TMEM132D: variants seen among roughly 807,000 people sequenced by gnomAD.
TMEM132D encodes the protein transmembrane protein 132D, also known as mature OL transmembrane protein.
TMEM132D carries 21 observed loss-of-function variants against 62.3 expected under a neutral mutation model. The observed-to-expected ratio is 0.34, with a 90% CI of 0.24 to 0.49. TMEM132D has a LOEUF of 0.49. Ranked by LOEUF, TMEM132D falls within the 20% of genes least tolerant of loss-of-function variation. The probability of loss-of-function intolerance (pLI) is 0.99; values close to 1 mark genes in which losing one functional copy is unlikely to be tolerated. For missense variants in TMEM132D, 1,346 were observed against 1,402.8 expected, an observed-to-expected ratio of 0.96 and a Z score of 0.65; for synonymous variants, 621 against 575.6, an observed-to-expected ratio of 1.08 and a Z score of -1.13.
At chr12:129,751,431 G>A (rs1014240411) in intron 1 of TMEM132D, among the ~76,000 whole-genome samples, 1 of 152,114 alleles carries the variant, frequency 6.6e-6, no homozygotes, top group Non-Finnish European at 1.5e-5. Context: ...CCCTGACATG[G>A]GGGGATTACA....
At chr12:129,879,538 G>A (rs1157959767) in intron 1 of TMEM132D, among the ~76,000 whole-genome samples, 1 of 152,194 alleles carries the variant, frequency 6.6e-6, no homozygotes, top group African/African-American at 2.4e-5. Flanking sequence ...GTGAGTAATG[G>A]CTCAGTTGCA....
At chr12:129,579,117 A>G (rs1253298065) in intron 2 of TMEM132D, among the ~76,000 whole-genome samples, 2 of 152,228 alleles carry the variant, frequency 1.3e-5, no homozygotes, top group African/African-American at 2.4e-5. Context: ...CCTCTTTAAT[A>G]TTAAAAACAA....
intron 5 of TMEM132D, among the ~76,000 whole-genome samples, chr12:129,105,075 T>C (rs907394588): frequency 1.4e-4 from 16 of 113,300 alleles, no homozygotes; most frequent in Non-Finnish European, 1.6e-4. Flanking sequence ...ATCATGCTGC[T>C]ATAAAGACAC....
chr12:129,367,533 C>T (rs1261994279), intron 3 of TMEM132D, among the ~76,000 whole-genome samples: 2 of 152,136 alleles, frequency 1.3e-5, no homozygotes, highest in Non-Finnish European at 2.9e-5. Context: ...GAATACGACA[C>T]TGGTGTGTGT....
intron 3 of TMEM132D, among the ~76,000 whole-genome samples, chr12:129,361,685 C>T (rs1002150981): frequency 6.6e-6 from 1 of 152,138 alleles, no homozygotes; most frequent in African/African-American, 2.4e-5. Context: ...TCACACAACT[C>T]TATTGCAAAG....
chr12:129,350,297 T>C (rs1869823047), intron 3 of TMEM132D, among the ~76,000 whole-genome samples: 1 of 152,198 alleles, frequency 6.6e-6, no homozygotes, highest in Admixed American at 6.5e-5. Context: ...TCCTATTAAA[T>C]ACTTGGAAGG....
At chr12:129,290,420 C>A (rs1457611244) in intron 4 of TMEM132D, among the ~76,000 whole-genome samples, 1 of 152,108 alleles carries the variant, frequency 6.6e-6, no homozygotes, top group Non-Finnish European at 1.5e-5. Flanking sequence ...TTCTAATTAA[C>A]ACACCTGAGC....
At chr12:129,259,061 T>C (rs1880482635) in intron 4 of TMEM132D, among the ~76,000 whole-genome samples, 1 of 152,170 alleles carries the variant, frequency 6.6e-6, no homozygotes, top group South Asian at 2.1e-4. Context: ...GCATTAACCA[T>C]ACAGCAGGGT....
chr12:129,424,707 CAAA>C (rs11385383), intron 3 of TMEM132D, among the ~76,000 whole-genome samples: 78 of 31,810 alleles, frequency 2.5e-3, no homozygotes, highest in African/African-American at 8.3e-3. Flanking sequence ...GACTCCATCT[CAAA>C]AAAAAAAAAA....
At chr12:129,323,207 T>C (rs1318244725) in intron 4 of TMEM132D, among the ~76,000 whole-genome samples, 1 of 152,188 alleles carries the variant, frequency 6.6e-6, no homozygotes, top group East Asian at 1.9e-4. Context: ...CATTAAAATG[T>C]CCCTTCTTCC....
In TMEM132D at chr12:129,209,513, A is replaced by C. The variant is rs1878961131; in HGVS notation, c.1443+7T>G. 6.2e-7 allele frequency: 1 copy of C among 1,613,380 alleles called. No homozygotes were observed. Among genetic ancestry groups the C allele is most frequent in the Non-Finnish European group, 8.5e-7 (1 of 1,179,738 alleles). On this transcript the variant is annotated splice_region_variant and intron_variant, in intron 5 of 8. Transcript: ENST00000422113. Reference sequence around the variant, plus strand: ...GTTTCTGCAGGGGCGGGGAGGTGTCAACTTGCCTTAATCACGTCTTCATCA... The same window carrying C: ...GTTTCTGCAGGGGCGGGGAGGTGTCCACTTGCCTTAATCACGTCTTCATCA...
chr12:129,304,366 A>G (rs999761482), intron 4 of TMEM132D, among the ~76,000 whole-genome samples: 1 of 152,004 alleles, frequency 6.6e-6, no homozygotes, highest in African/African-American at 2.4e-5. Flanking sequence ...AGGCCAGGTC[A>G]TGGCTTGAAC....
chr12:129,697,222 A>G (rs1881230308), intron 2 of TMEM132D, among the ~76,000 whole-genome samples: 1 of 152,206 alleles, frequency 6.6e-6, no homozygotes, highest in East Asian at 1.9e-4. Flanking sequence ...AAAGCGCCCA[A>G]GGATACTTGG....
At chr12:129,810,467 C>T (rs1391287417) in intron 1 of TMEM132D, among the ~76,000 whole-genome samples, 2 of 151,002 alleles carry the variant, frequency 1.3e-5, no homozygotes, top group African/African-American at 2.4e-5. Flanking sequence ...TAACATTTAC[C>T]AAAAAAAGGT....
chr12:129,583,685 G>T (rs1275545607), intron 2 of TMEM132D, among the ~76,000 whole-genome samples: 1 of 152,152 alleles, frequency 6.6e-6, no homozygotes, highest in Non-Finnish European at 1.5e-5. Context: ...AAGACCCGTG[G>T]GGGGTGAGCT....
In TMEM132D at chr12:129,545,089, G is replaced by C. The variant is rs192048594; in HGVS notation, c.969-13884C>G. Among the ~76,000 whole-genome samples the C allele has an allele frequency of 1.4e-4, 21 of 152,266 alleles. No homozygotes were observed. The East Asian group carries it at 3.5e-3, about 25-fold the overall frequency. ...TTCTTCTTTCTGGTCACTGTGATTG[G>C]GTCCAAACATATTGATGAATCTTGG... On this transcript the variant is annotated intron_variant, in intron 2 of 8. Transcript: ENST00000422113.
chr12:129,851,252 G>C (rs1028965291), intron 1 of TMEM132D, among the ~76,000 whole-genome samples: 1 of 152,150 alleles, frequency 6.6e-6, no homozygotes, highest in Non-Finnish European at 1.5e-5. Context: ...TTTTCTTTAT[G>C]CTGAATAGTT....
At chr12:129,656,532 GT>G (rs11330710) in intron 2 of TMEM132D, among the ~76,000 whole-genome samples, 1,566 of 152,240 alleles carry the variant, frequency 0.01, 34 homozygotes, top group African/African-American at 0.036. Flanking sequence ...CTCATAGTCT[GT>G]TTTTTACACC....
chr12:129,578,348 C>T (rs950230774), intron 2 of TMEM132D, among the ~76,000 whole-genome samples: 1 of 151,264 alleles, frequency 6.6e-6, no homozygotes, highest in Non-Finnish European at 1.5e-5. Context: ...AATTACCTCT[C>T]ATATTTCTAT....
Sources: gnomAD v4.1 joint callset for allele counts (sites outside exome capture counted in the v4.1 genomes callset) on GRCh38, gnomAD v4.1.1 for gene constraint, MANE v1.5 for transcripts, NCBI Gene and HGNC (gene_info 2026-07-23, HGNC 2026-07-21) for gene names.